The following TAF1C variants were observed in gnomAD, a reference collection of about 807,000 sequenced individuals.
TAF1C encodes TATA box-binding protein-associated factor RNA polymerase I subunit C.
In TAF1C, 79 loss-of-function variants were observed where a neutral mutation model predicts 70.5. That is an observed-to-expected ratio of 1.12 (90% CI 0.93 to 1.35). The LOEUF (loss-of-function observed/expected upper bound fraction) is 1.35. Among genes scored for constraint, TAF1C ranks in the 40% most tolerant of loss-of-function variants. The pLI, the probability that TAF1C is intolerant of heterozygous loss-of-function variation, is 0.00. For missense variants in TAF1C, 1,412 were observed against 1,127.8 expected (o/e 1.25, Z -3.61); for synonymous variants, 614 against 491.1 (o/e 1.25, Z -3.31).
chr16:84,178,404 T>TA lies in TAF1C; in HGVS notation c.*536dup, dbSNP rs1330537252. ...TTCATCTTCAGCTGCCAAGTGTATT[T>TA]AGTCCCTGAACCTGGATCCAAGGCA... is the stretch of plus-strand genomic sequence containing the variant. On this transcript the variant is annotated 3_prime_UTR_variant, in exon 15 of 15. Transcript: ENST00000566732. The TA allele has an allele frequency of 2.2e-6, 1 of 457,400 alleles. No individual in the cohort carries two copies. The highest frequency in any genetic ancestry group is 1.5e-5 in the South Asian group (1 of 64,582). The allele number at this position is 457,400 out of a possible 1,614,324, so 28.3% of individuals were successfully genotyped here.
At position 84,179,782 on chromosome 16, in the gene TAF1C, G is replaced by A. The variant is rs374279708; in HGVS notation, c.1691C>T (p.Ala564Val). Residue 564 changes from alanine to valine, a missense_variant, in exon 15 of 15, where the codon GCG (alanine) becomes GTG (valine). By Grantham distance (64) the Ala-to-Val change is moderately conservative. Transcript: ENST00000566732. ...TPGLVLFQLS[A>V]AGDVFYQQLR... ...CTGCTGGTAGAAGACATCTCCCGCC[G>A]CCGAGAGCTGGAAGAGCACCAGGCC... 55 of 1,609,450 alleles carry A rather than the reference G, an allele frequency of 3.4e-5. No homozygotes were observed. The highest frequency in any genetic ancestry group is 8.0e-5 in the African/African-American group (6 of 74,878).
Position 84,179,837 on chromosome 16 carries a change from C to G in TAF1C, c.1636G>C (p.Val546Leu), listed in dbSNP as rs527870933. The change falls in exon 15 of 15, where the codon GTC becomes CTC. Residue 546 changes from valine to leucine, a missense_variant. Coordinates refer to ENST00000566732, the MANE Select transcript of TAF1C (RefSeq NM_001243156.2). ...GTGGGCGCTGAGGGCAAGGGCGGGACGACGGCAGCCAGACCTGGTGACGGG... is the reference window on the plus strand; with the variant it reads ...GTGGGCGCTGAGGGCAAGGGCGGGAGGACGGCAGCCAGACCTGGTGACGGG... The part of the protein sequence containing the change: ...KAPTIGLAAV[V>L]PPLPSAPTPG... 6.2e-7 allele frequency: 1 copy of G among 1,606,228 alleles called. No homozygotes were observed. The highest frequency in any genetic ancestry group is 8.5e-7 in the Non-Finnish European group (1 of 1,175,408).
At position 84,182,977 on chromosome 16, in the gene TAF1C, A is replaced by AGAGG. The variant is rs1377673028; in HGVS notation, c.482+98_482+99insCCTC. 23 of 1,190,870 alleles carry AGAGG rather than the reference A, an allele frequency of 1.9e-5. No individual in the cohort carries two copies. The African/African-American group carries it at 3.0e-4, about 15-fold the overall frequency. The allele number at this position is 1,190,870 out of a possible 1,614,324, so 73.8% of individuals were successfully genotyped here. On this transcript the variant is annotated intron_variant, in intron 6 of 14. Transcript: ENST00000566732. This position sits in a 1 kb window ranked among gnomAD's most constrained non-coding sequence, Gnocchi z 5.0. ...CTCAGACTGCATGGAGCAGGGGGGA[A>AGAGG]GTGGGTATGACGGAAAGCTGTACGT...
In TAF1C at chr16:84,178,977, A is replaced by G. The variant is rs777641846; in HGVS notation, c.2496T>C (p.Ser832=). 4.3e-6 allele frequency: 7 copies of G among 1,610,714 alleles called. No homozygotes were observed. The East Asian group carries it at 1.1e-4, about 26-fold the overall frequency. ...SQQHTPVLSS[S]QPLRKKPRMG... ...TTCGAGGCTTCTTCCGGAGGGGCTG[A>G]GAGCTAGAGAGGACGGGTGTGTGCT... Residue 832 remains serine (S), a synonymous_variant, in exon 15 of 15, where the codon TCT becomes TCC. Coordinates refer to ENST00000566732, the MANE Select transcript of TAF1C (RefSeq NM_001243156.2).
rs781161808 is a variant in TAF1C, at chr16:84,179,679, G to A, written c.1794C>T (p.Pro598=). 2.5e-6 allele frequency: 4 copies of A among 1,612,550 alleles called. No homozygotes were observed. The highest frequency in any genetic ancestry group is 1.3e-5 in the African/African-American group (1 of 74,914). Residue 598 remains proline, a synonymous_variant, in exon 15 of 15, where the codon CCC becomes CCT. Coordinates refer to ENST00000566732, the MANE Select transcript of TAF1C (RefSeq NM_001243156.2). ...TGTCCTGGGAGGTCCAGGAAGCTGT[G>A]GGGGCATGGCAGTCAGGTTGGGTGT... is the stretch of plus-strand genomic sequence containing the variant. The part of the protein sequence containing the change: ...PGDTQPDCHA[P]TASWTSQDTA...
In TAF1C at chr16:84,179,686, T is replaced by A; in HGVS notation, c.1787A>T (p.His596Leu). 1 of 1,612,582 alleles carries A rather than the reference T, an allele frequency of 6.2e-7. No individual in the cohort carries two copies. Among genetic ancestry groups the A allele is most frequent in the South Asian group, 1.1e-5 (1 of 91,060 alleles). ...GGAGGTCCAGGAAGCTGTGGGGGCA[T>A]GGCAGTCAGGTTGGGTGTCGCCAGG... is the stretch of plus-strand genomic sequence containing the variant. ...GPPGDTQPDC[H>L]APTASWTSQD... The change falls in exon 15 of 15, where the codon CAT becomes CTT. Residue 596 changes from histidine (H) to leucine (L), a missense_variant. By Grantham distance (99) the His-to-Leu change is moderately conservative. Transcript: ENST00000566732.
Position 84,180,350 on chromosome 16 carries a change from G to A in TAF1C, c.1309-6C>T, listed in dbSNP as rs1567588597. The stretch of plus-strand genomic sequence containing the variant: ...TCCACTAGGTAGAGAGAGAACTGGG[G>A]CCCGAGAAGGAAGGGGGATGTGGCC... On this transcript the variant is annotated splice_region_variant and splice_polypyrimidine_tract_variant and intron_variant, in intron 12 of 14. Coordinates refer to ENST00000566732, the MANE Select transcript of TAF1C (RefSeq NM_001243156.2). 1 of 1,537,384 alleles carries A rather than the reference G, an allele frequency of 6.5e-7. No individual in the cohort carries two copies. Among genetic ancestry groups the A allele is most frequent in the Non-Finnish European group, 8.7e-7 (1 of 1,145,344 alleles).
chr16:84,186,456 G>A (rs2089494601), intron 1 of TAF1C, among the ~76,000 whole-genome samples: 1 of 152,156 alleles, frequency 6.6e-6, no homozygotes, highest in South Asian at 2.1e-4. Flanking sequence ...GAGGAGGCTG[G>A]GCACGAAAAT....
In TAF1C at chr16:84,181,189, G is replaced by A. The variant is rs750369206; in HGVS notation, c.1165-3C>T. The A allele has an allele frequency of 6.2e-7, 1 of 1,604,990 alleles. No individual in the cohort carries two copies. Among genetic ancestry groups the A allele is most frequent in the South Asian group, 1.1e-5 (1 of 90,726 alleles). Reference sequence around the variant, plus strand: ...AACAGACCACAGCCCGGCGGGCCCTGGAAGATAAACACAGGGTCAGCCCTC... The same window carrying A: ...AACAGACCACAGCCCGGCGGGCCCTAGAAGATAAACACAGGGTCAGCCCTC... On this transcript the variant is annotated splice_region_variant and splice_polypyrimidine_tract_variant and intron_variant, in intron 11 of 14. Transcript: ENST00000566732.
intron 11 of TAF1C, 46 bp from the exon 12 acceptor site, chr16:84,181,232 G>A (rs1173782091): frequency 1.1e-5 from 18 of 1,593,590 alleles, no homozygotes; most frequent in South Asian, 2.2e-5. Context: ...TCCCAGGCCG[G>A]TGACGCTGTC....
intron 14 of TAF1C, 40 bp downstream of exon 14, chr16:84,179,906 T>G: frequency 6.2e-7 from 1 of 1,608,136 alleles, no homozygotes. Context: ...GGGGATGTTT[T>G]CCACTGCGCC....
Position 84,179,388 on chromosome 16 carries a change from C to T in TAF1C, c.2085G>A (p.Leu695=). 1.3e-6 allele frequency: 2 copies of T among 1,598,672 alleles called. No individual in the cohort carries two copies. Among genetic ancestry groups the T allele is most frequent in the South Asian group, 1.1e-5 (1 of 90,926 alleles). Residue 695 remains leucine, a synonymous_variant, in exon 15 of 15, where the codon CTG becomes CTA. Transcript: ENST00000566732. Reference sequence around the variant, plus strand: ...CCCCTCGGCCTGCCCAGGCTTCCCCCAGGCGCTCACTGAGCTTGTCCTCTA... The same window carrying T: ...CCCCTCGGCCTGCCCAGGCTTCCCCTAGGCGCTCACTGAGCTTGTCCTCTA... ...SGLEDKLSER[L]GEAWAGRGAA...
intron 1 of TAF1C, among the ~76,000 whole-genome samples, chr16:84,186,565 G>T (rs2089499315): frequency 6.6e-6 from 1 of 152,142 alleles, no homozygotes. Context: ...AAATAAAATA[G>T]AAACAAAAAT....
At position 84,182,113 on chromosome 16, in the gene TAF1C, A is replaced by C. The variant is rs544470736; in HGVS notation, c.722-55T>G. 8.8e-6 allele frequency: 14 copies of C among 1,594,590 alleles called. No homozygotes were observed. The Admixed American group carries it at 2.0e-4, about 23-fold the overall frequency. On this transcript the variant is annotated intron_variant, in intron 7 of 14. Coordinates refer to ENST00000566732, the MANE Select transcript of TAF1C (RefSeq NM_001243156.2). The surrounding 1 kb of genome is among the most constrained non-coding windows in gnomAD (Gnocchi z 5.0). The stretch of plus-strand genomic sequence containing the variant: ...AGCTATGATCACTGCAAGCCCCCCA[A>C]ATTCCTGCCCTTCTCTGGACCATGC...
intron 1 of TAF1C, 68 bp from the exon 2 acceptor site, chr16:84,185,128 A>G: frequency 9.3e-7 from 1 of 1,078,756 alleles, no homozygotes; most frequent in South Asian, 1.8e-5. Flanking sequence ...AAAAACAAAT[A>G]TGTAGCCCAA....
At position 84,177,960 on chromosome 16, in the gene TAF1C, G is replaced by A; in HGVS notation, c.*981C>T. ...ATTGGGCTAGCTCCTGTTTGTGTGAGTCACATGCAATTCCTTTCACCAGCC... is the reference window on the plus strand; with the variant it reads ...ATTGGGCTAGCTCCTGTTTGTGTGAATCACATGCAATTCCTTTCACCAGCC... On this transcript the variant is annotated 3_prime_UTR_variant, in exon 15 of 15. Coordinates refer to ENST00000566732, the MANE Select transcript of TAF1C (RefSeq NM_001243156.2). 1 of 857,780 alleles carries A rather than the reference G, an allele frequency of 1.2e-6. No homozygotes were observed. Among genetic ancestry groups the A allele is most frequent in the Non-Finnish European group, 1.9e-6 (1 of 521,012 alleles). The allele number at this position is 857,780 out of a possible 1,614,324, so 53.1% of individuals were successfully genotyped here. A position where few individuals can be genotyped will look rare whatever the true frequency, so the allele number is the denominator to read the frequency against.
intron 3 of TAF1C, 55 bp from the exon 4 acceptor site, chr16:84,183,562 C>A (rs1452803672): frequency 6.4e-7 from 1 of 1,563,576 alleles, no homozygotes; most frequent in East Asian, 2.3e-5. Context: ...CGGCCAGATG[C>A]CCTGGGCGAC....
chr16:84,182,055 A>C lies in TAF1C; in HGVS notation c.725T>G (p.Phe242Cys). The C allele has an allele frequency of 1.9e-6, 3 of 1,613,034 alleles. No homozygotes were observed. The highest frequency in any genetic ancestry group is 2.5e-6 in the Non-Finnish European group (3 of 1,179,834). Residue 242 changes from phenylalanine (F) to cysteine (C), a missense_variant, in exon 8 of 15, where the codon TTC becomes TGC. Transcript: ENST00000566732. This position sits in a 1 kb window ranked among gnomAD's most constrained non-coding sequence, Gnocchi z 5.0. ...ACCTGGGGTCAGAACGACCTCTTGG[A>C]AATCTGGGCCTCTCACTAAGGATCA... is the stretch of plus-strand genomic sequence containing the variant. ...PAGGAQDRLH[F>C]QEVVLTPGDN...
At chr16:84,185,282 T>C in intron 1 of TAF1C, 1 of 281,136 alleles carries the variant, frequency 3.6e-6, no homozygotes, top group Admixed American at 5.1e-5. Flanking sequence ...AGCCTGAACC[T>C]AGTGAAGGAG....
Sources: allele counts gnomAD v4.1 joint callset (sites outside exome capture counted in the v4.1 genomes callset), GRCh38; gene constraint gnomAD v4.1.1; non-coding constraint Gnocchi (gnomAD v3.1); transcripts MANE v1.5; gene names NCBI Gene and HGNC (gene_info 2026-07-23, HGNC 2026-07-21).